CNTN1: variants seen among roughly 807,000 people sequenced by gnomAD.
The protein encoded by CNTN1 is contactin-1.
A neutral mutation model predicts 126.4 loss-of-function variants in CNTN1; 38 were observed. The observed-to-expected ratio is 0.30, with a 90% CI of 0.23 to 0.39. CNTN1 has a LOEUF of 0.39. Among genes scored for constraint, CNTN1 ranks in the 10% least tolerant of loss-of-function variants. CNTN1 has a pLI of 1.00. For missense variants in CNTN1, 1,009 were observed against 1,248.4 expected (o/e 0.81, Z 2.89); for synonymous variants, 413 against 422.6 (o/e 0.98, Z 0.28).
intron 1 of CNTN1, among the ~76,000 whole-genome samples, chr12:40,760,222 G>A (rs1279290556): frequency 6.6e-6 from 1 of 152,090 alleles, no homozygotes; most frequent in African/African-American, 2.4e-5. Flanking sequence ...TATATTTTCA[G>A]TTCATACTGG....
chr12:40,891,565 G>C (rs148788311), intron 1 of CNTN1, among the ~76,000 whole-genome samples: 73 of 152,204 alleles, frequency 4.8e-4, no homozygotes, highest in Admixed American at 1.2e-3. Flanking sequence ...TTTGTGAAGA[G>C]TGTAAGGTAC....
intron 14 of CNTN1, among the ~76,000 whole-genome samples, chr12:40,956,325 T>C (rs1470165469): frequency 6.6e-6 from 1 of 152,116 alleles, no homozygotes; most frequent in Non-Finnish European, 1.5e-5. Flanking sequence ...ATCAAACTTA[T>C]AGTCGGCCAG....
intron 15 of CNTN1, among the ~76,000 whole-genome samples, chr12:40,969,063 A>G (rs1454532139): frequency 6.6e-6 from 1 of 152,196 alleles, no homozygotes; most frequent in Non-Finnish European, 1.5e-5. Context: ...TAAGACAAAA[A>G]CACCTTAGCC....
At chr12:40,878,849 C>G (rs1312254870) in intron 1 of CNTN1, among the ~76,000 whole-genome samples, 1 of 152,064 alleles carries the variant, frequency 6.6e-6, no homozygotes, top group Non-Finnish European at 1.5e-5. Flanking sequence ...TATGAAAAAA[C>G]ACTTATTTCC....
intron 1 of CNTN1, among the ~76,000 whole-genome samples, chr12:40,796,400 C>T (rs1201895850): frequency 2.6e-5 from 4 of 152,004 alleles, no homozygotes; most frequent in Non-Finnish European, 2.9e-5. Flanking sequence ...CACCACTACC[C>T]GAGAGCTTCC....
intron 1 of CNTN1, among the ~76,000 whole-genome samples, chr12:40,886,380 G>A (rs898350327): frequency 1.1e-4 from 16 of 152,016 alleles, no homozygotes; most frequent in East Asian, 5.8e-4. Flanking sequence ...ATTATTTAGG[G>A]GAGATGTTAT....
intron 1 of CNTN1, among the ~76,000 whole-genome samples, chr12:40,724,128 G>A (rs1336383052): frequency 6.6e-6 from 1 of 151,944 alleles, no homozygotes; most frequent in East Asian, 1.9e-4. Flanking sequence ...CTAATTTAAA[G>A]ACAAATTAGA....
chr12:40,736,794 T>C lies in CNTN1; in HGVS notation c.-77+44202T>C, dbSNP rs746482022. Reference sequence around the variant, plus strand: ...GAACAGACAAAACAGAGCTAATAAATCAACCCAATAACTGGGTCTTAAACA... The same window carrying C: ...GAACAGACAAAACAGAGCTAATAAACCAACCCAATAACTGGGTCTTAAACA... On this transcript the variant is annotated intron_variant, in intron 1 of 23. Transcript: ENST00000551295. Among the ~76,000 whole-genome samples, 131 of 151,992 alleles carry C rather than the reference T, an allele frequency of 8.6e-4. 1 individual carries two copies. Among genetic ancestry groups the C allele is most frequent in the South Asian group, 4.1e-4 (2 of 4,830 alleles).
intron 1 of CNTN1, among the ~76,000 whole-genome samples, chr12:40,720,744 T>C (rs1942181946): frequency 6.6e-6 from 1 of 152,030 alleles, no homozygotes; most frequent in South Asian, 2.1e-4. Flanking sequence ...CTGGCCAACA[T>C]GGTGAAACCC....
intron 1 of CNTN1, among the ~76,000 whole-genome samples, chr12:40,795,838 G>A (rs1940407216): frequency 6.6e-6 from 1 of 152,056 alleles, no homozygotes; most frequent in Admixed American, 6.6e-5. Flanking sequence ...TATCACTTGT[G>A]TGTGGTAGGC....
chr12:40,972,722 C>T, intron 15 of CNTN1: 1 of 904,510 alleles, frequency 1.1e-6, no homozygotes, highest in Non-Finnish European at 1.3e-6. Flanking sequence ...GATTAATTGC[C>T]ATTTTTGTAA....
chr12:40,897,919 C>T (rs1944468330), intron 1 of CNTN1, among the ~76,000 whole-genome samples: 1 of 152,136 alleles, frequency 6.6e-6, no homozygotes, highest in East Asian at 1.9e-4. Flanking sequence ...CAACACATGG[C>T]ATTTAAGGTG....
intron 1 of CNTN1, among the ~76,000 whole-genome samples, chr12:40,733,495 C>A (rs1282424450): frequency 1.3e-5 from 2 of 151,950 alleles, no homozygotes; most frequent in Non-Finnish European, 1.5e-5. Context: ...TGCCCTCCCC[C>A]TTCCCCTGCC....
intron 23 of CNTN1, among the ~76,000 whole-genome samples, chr12:41,056,977 TTAG>T (rs1949825136): frequency 9.3e-6 from 1 of 106,956 alleles, no homozygotes; most frequent in African/African-American, 4.4e-5. Flanking sequence ...TTATAAATAT[TTAG>T]ATATTTATAA....
At chr12:40,820,189 G>A (rs566446821) in intron 1 of CNTN1, among the ~76,000 whole-genome samples, 1 of 152,188 alleles carries the variant, frequency 6.6e-6, no homozygotes, top group Admixed American at 6.5e-5. Flanking sequence ...AAGAGAGAGG[G>A]TGAGGAAGTA....
At chr12:40,771,496 T>G (rs1004152862) in intron 1 of CNTN1, among the ~76,000 whole-genome samples, 1 of 152,112 alleles carries the variant, frequency 6.6e-6, no homozygotes, top group Non-Finnish European at 1.5e-5. Flanking sequence ...TTAAGAGGGA[T>G]ATGTTCTTAT....
At chr12:40,972,122 A>AT in intron 15 of CNTN1, 1 of 985,528 alleles carries the variant, frequency 1.0e-6, no homozygotes, top group Non-Finnish European at 1.2e-6. Context: ...GTGAAAATGG[A>AT]TAGCATGTGG....
At chr12:41,057,843 A>G (rs1281472394) in intron 23 of CNTN1, among the ~76,000 whole-genome samples, 1 of 152,128 alleles carries the variant, frequency 6.6e-6, no homozygotes, top group Non-Finnish European at 1.5e-5. Flanking sequence ...TGCACAGGCA[A>G]TAAAGGTGAA....
intron 1 of CNTN1, among the ~76,000 whole-genome samples, chr12:40,808,173 T>G (rs1211527679): frequency 1.3e-5 from 2 of 152,188 alleles, no homozygotes. Flanking sequence ...ACTGGAACAT[T>G]AGTTAAAATT....
Sources: gnomAD v4.1 joint callset for allele counts (sites outside exome capture counted in the v4.1 genomes callset) on GRCh38, gnomAD v4.1.1 for gene constraint, MANE v1.5 for transcripts, NCBI Gene and HGNC (gene_info 2026-07-23, HGNC 2026-07-21) for gene names.